Variants in BCR observed in about 807,000 individuals in gnomAD.
BCR encodes BCR activator of RhoGEF and GTPase.
In BCR, 58 loss-of-function variants were observed where a neutral mutation model predicts 138.6. The ratio of observed to expected loss-of-function variants is 0.42; its 90% CI spans 0.34 to 0.52. BCR has a LOEUF of 0.52. BCR is among the 20% of genes least tolerant of loss of function. The pLI is 0.06. For missense variants in BCR, 1,599 were observed against 1,727.2 expected (o/e 0.93, Z 1.32); for synonymous variants, 786 against 730.1 (o/e 1.08, Z -1.23).
intron 13 of BCR, chr22:23,289,922 C>A (rs2073765229): frequency 1.9e-6 from 1 of 521,936 alleles, no homozygotes; most frequent in Non-Finnish European, 3.5e-6. Flanking sequence ...GGCCCCACTC[C>A]CGTCCTCCCA....
chr22:23,313,802 C>T (rs1378365261), intron 20 of BCR, among the ~76,000 whole-genome samples, 166 bp from the exon 21 acceptor site: 2 of 152,188 alleles, frequency 1.3e-5, no homozygotes, highest in African/African-American at 2.4e-5. Context: ...ACACCCCACA[C>T]AGGTGCCCCT....
intron 1 of BCR, among the ~76,000 whole-genome samples, chr22:23,210,664 C>G (rs1013378084): frequency 6.6e-6 from 1 of 152,156 alleles, no homozygotes; most frequent in Non-Finnish European, 1.5e-5. Flanking sequence ...ACTTGCAGCC[C>G]ACGACACCAC....
At chr22:23,204,649 T>C (rs1312974435) in intron 1 of BCR, among the ~76,000 whole-genome samples, 2 of 152,178 alleles carry the variant, frequency 1.3e-5, no homozygotes, top group African/African-American at 4.8e-5. Context: ...GACACTGCTT[T>C]GCTGGCTGAT....
intron 16 of BCR, among the ~76,000 whole-genome samples, chr22:23,308,182 A>G (rs2073969303): frequency 6.6e-6 from 1 of 151,888 alleles, no homozygotes; most frequent in South Asian, 2.1e-4. Flanking sequence ...ATGGAGTCAG[A>G]CGGTGGCTCC....
chr22:23,301,161 C>T (rs1251931865), intron 16 of BCR, among the ~76,000 whole-genome samples: 1 of 152,238 alleles, frequency 6.6e-6, no homozygotes, highest in Non-Finnish European at 1.5e-5. Flanking sequence ...AAAAAATTAG[C>T]CAGGCGCGAT....
At chr22:23,246,147 G>A (rs977617613) in intron 1 of BCR, among the ~76,000 whole-genome samples, 1 of 152,190 alleles carries the variant, frequency 6.6e-6, no homozygotes, top group African/African-American at 2.4e-5. Flanking sequence ...GGCAGAGGCC[G>A]GGTGTAGTGG....
At chr22:23,259,603 C>G (rs1190641222) in intron 2 of BCR, among the ~76,000 whole-genome samples, 1 of 151,958 alleles carries the variant, frequency 6.6e-6, no homozygotes, top group Admixed American at 6.5e-5. Flanking sequence ...TGCAACCTCC[C>G]CCTCCTGTGT....
chr22:23,290,436 G>C, intron 14 of BCR, 23 bp downstream of exon 14: 1 of 1,608,798 alleles, frequency 6.2e-7, no homozygotes, highest in Non-Finnish European at 8.5e-7. Flanking sequence ...TTGGGGAGGA[G>C]GGTTGCAGCG....
intron 10 of BCR, 50 bp downstream of exon 10, chr22:23,285,251 C>T: frequency 6.4e-7 from 1 of 1,556,186 alleles, no homozygotes. Flanking sequence ...AGAGTGGCAG[C>T]AGCCCCCGCA....
At chr22:23,295,245 C>A in intron 16 of BCR, 90 bp downstream of exon 16, 1 of 1,347,980 alleles carries the variant, frequency 7.4e-7, no homozygotes, top group Non-Finnish European at 1.0e-6. Context: ...CATGGCCTTG[C>A]ACCCAGGGTG....
chr22:23,263,395 C>G (rs1323843294), intron 4 of BCR: 1 of 1,242,474 alleles, frequency 8.0e-7, no homozygotes, highest in Non-Finnish European at 1.2e-6. Flanking sequence ...AACCTGATGA[C>G]CAGTGTCCCA....
intron 1 of BCR, among the ~76,000 whole-genome samples, chr22:23,238,155 C>G (rs1236323662): frequency 6.6e-6 from 1 of 152,028 alleles, no homozygotes; most frequent in South Asian, 2.1e-4. Flanking sequence ...CTGGTCATCC[C>G]GGTCATCCTG....
Position 23,290,374 on chromosome 22 carries a change from G to A in BCR, c.2743G>A (p.Val915Ile). Residue 915 changes from valine (V) to isoleucine (I), a missense_variant, in exon 14 of 23, where the codon GTC (valine) becomes ATC (isoleucine). By Grantham distance (29) the Val-to-Ile change is conservative. Transcript: ENST00000305877. Reference sequence around the variant, plus strand: ...TCCGGGGCTCTATGGGTTTCTGAATGTCATCGTCCACTCAGCCACTGGATT... The same window carrying A: ...TCCGGGGCTCTATGGGTTTCTGAATATCATCGTCCACTCAGCCACTGGATT... ...ESPGLYGFLNVIVHSATGFKQ... is the reference protein window; with the variant it reads ...ESPGLYGFLNIIVHSATGFKQ... 1 of 1,614,154 alleles carries A rather than the reference G, an allele frequency of 6.2e-7. No individual in the cohort carries two copies. Among genetic ancestry groups the A allele is most frequent in the Non-Finnish European group, 8.5e-7 (1 of 1,180,008 alleles).
At position 23,315,729 on chromosome 22, in the gene BCR, C is replaced by CTG. The variant is rs1042628156; in HGVS notation, c.*210_*211dup. Reference sequence around the variant, plus strand: ...CTGGGAGCCCCAGGCTGGCCTCAGACTGTGGTTTTTTATGTGGCCACCTGA... The same window carrying CTG: ...CTGGGAGCCCCAGGCTGGCCTCAGACTGTGTGGTTTTTTATGTGGCCACCTGA... On this transcript the variant is annotated 3_prime_UTR_variant, in exon 23 of 23. Transcript: ENST00000305877. 3 of 658,212 alleles carry CTG rather than the reference C, an allele frequency of 4.6e-6. No individual in the cohort carries two copies. Among genetic ancestry groups the CTG allele is most frequent in the African/African-American group, 3.5e-5 (2 of 56,380 alleles). The allele number at this position is 658,212 out of a possible 1,614,324, so 40.8% of individuals were successfully genotyped here.
intron 1 of BCR, among the ~76,000 whole-genome samples, chr22:23,230,505 G>A (rs1315365472): frequency 6.6e-6 from 1 of 152,254 alleles, no homozygotes; most frequent in African/African-American, 2.4e-5. Context: ...CACTGCGGAT[G>A]CAGGCCTGCC....
chr22:23,264,584 G>T, intron 4 of BCR: 1 of 409,440 alleles, frequency 2.4e-6, no homozygotes, highest in Non-Finnish European at 4.5e-6. Context: ...AGGACCTGCT[G>T]CTTTAGAGGA....
chr22:23,285,155 T>C lies in BCR; in HGVS notation c.2360T>C (p.Leu787Ser). 6.2e-7 allele frequency: 1 copy of C among 1,613,858 alleles called. No individual in the cohort carries two copies. ...PLVPDEELDA[L>S]KIKISQIKND... ...GTGCCCGATGAGGAGCTGGACGCTT[T>C]GAAGATCAAGATCTCCCAGATCAAG... The change falls in exon 10 of 23, where the codon TTG becomes TCG. Residue 787 changes from leucine (L) to serine (S), a missense_variant. This residue lies in a region of BCR where 590 missense variants were observed against 762.4 expected (regional missense o/e 0.77). Transcript: ENST00000305877.
intron 14 of BCR, among the ~76,000 whole-genome samples, chr22:23,291,430 A>T (rs1379994991): frequency 1.3e-5 from 2 of 152,090 alleles, no homozygotes. Flanking sequence ...GATGAATTAC[A>T]TGACATGCAG....
At chr22:23,212,453 A>C (rs188949167) in intron 1 of BCR, among the ~76,000 whole-genome samples, 1 of 152,332 alleles carries the variant, frequency 6.6e-6, no homozygotes, top group Non-Finnish European at 1.5e-5. Context: ...CTTAACAGGG[A>C]GTACACTGGC....
Sources: gnomAD v4.1 joint callset for allele counts (sites outside exome capture counted in the v4.1 genomes callset) on GRCh38, gnomAD v4.1.1 for gene constraint, gnomAD v4.1.1 regional missense constraint, MANE v1.5 for transcripts, NCBI Gene and HGNC (gene_info 2026-07-23, HGNC 2026-07-21) for gene names.